GANAB: variants seen among roughly 807,000 people sequenced by gnomAD.
GANAB encodes neutral alpha-glucosidase AB.
In GANAB, 35 loss-of-function variants were observed where a neutral mutation model predicts 129.9. The ratio of observed to expected loss-of-function variants is 0.27; its 90% CI spans 0.21 to 0.36. GANAB has a LOEUF of 0.36. Among genes scored for constraint, GANAB ranks in the 10% least tolerant of loss-of-function variants. The probability of loss-of-function intolerance (pLI) is 1.00; values close to 1 mark genes in which losing one functional copy is unlikely to be tolerated. For synonymous variants in GANAB, 482 were observed against 451.8 expected (o/e 1.07, Z -0.85); for missense variants, 939 against 1,221.0 (o/e 0.77, Z 3.44).
Position 62,639,113 on chromosome 11 carries a change from G to A in GANAB, c.253-3C>T. 1 of 1,613,798 alleles carries A rather than the reference G, an allele frequency of 6.2e-7. No homozygotes were observed. Among genetic ancestry groups the A allele is most frequent in the Non-Finnish European group, 8.5e-7 (1 of 1,179,844 alleles). On this transcript the variant is annotated splice_polypyrimidine_tract_variant and splice_region_variant and intron_variant, in intron 3 of 23. Coordinates refer to ENST00000356638, the MANE Select transcript of GANAB (RefSeq NM_198334.3). ...TGAAGCTCTAGCACCAGCAACACCT[G>A]CGGGGACAGAGGTTTGGATCTGGAG...
intron 4 of GANAB, among the ~76,000 whole-genome samples, chr11:62,638,580 G>GAGGA (rs71056537): frequency 1.5e-4 from 21 of 144,170 alleles, no homozygotes; most frequent in African/African-American, 3.7e-4. Context: ...AAAAGGAAAG[G>GAGGA]AGGAAGGAAG....
At chr11:62,646,074 A>G (rs1944464154) in intron 1 of GANAB, among the ~76,000 whole-genome samples, 1 of 152,196 alleles carries the variant, frequency 6.6e-6, no homozygotes, top group South Asian at 2.1e-4. Context: ...ACGTGAAGAC[A>G]AGGGCAGAGG....
At chr11:62,636,134 G>A (rs1301075624) in intron 4 of GANAB, among the ~76,000 whole-genome samples, 5 of 152,042 alleles carry the variant, frequency 3.3e-5, no homozygotes, top group Middle Eastern at 3.4e-3. Context: ...GGAATTACAG[G>A]CGCCCACCAC....
intron 1 of GANAB, among the ~76,000 whole-genome samples, chr11:62,643,186 A>C (rs1374147277): frequency 1.3e-5 from 2 of 152,230 alleles, no homozygotes; most frequent in Non-Finnish European, 2.9e-5. Flanking sequence ...AATAAATCCT[A>C]AACAGAGATT....
chr11:62,634,522 A>T (rs1271557366), intron 5 of GANAB: 2 of 650,118 alleles, frequency 3.1e-6, no homozygotes, highest in East Asian at 5.4e-5. Flanking sequence ...AAAAACGAAG[A>T]AAATAAATCT....
Position 62,630,510 on chromosome 11 carries a change from G to T in GANAB, c.1387-5C>A. ...GGGGTCTACGATGGCCACCAGCTGG[G>T]GGCAAGGAACAGGGGTGTTCAGGTC... On this transcript the variant is annotated splice_region_variant and splice_polypyrimidine_tract_variant and intron_variant, in intron 11 of 23. Transcript: ENST00000356638. 1 of 1,614,148 alleles carries T rather than the reference G, an allele frequency of 6.2e-7. No homozygotes were observed. The highest frequency in any genetic ancestry group is 8.5e-7 in the Non-Finnish European group (1 of 1,180,036).
chr11:62,627,319 T>C lies in GANAB; in HGVS notation c.2215A>G (p.Thr739Ala), dbSNP rs1943441527. 6.3e-7 allele frequency: 1 copy of C among 1,582,198 alleles called. No individual in the cohort carries two copies. Among genetic ancestry groups the C allele is most frequent in the Non-Finnish European group, 8.7e-7 (1 of 1,150,826 alleles). The change falls in exon 18 of 24, where the codon ACC becomes GCC. Residue 739 changes from threonine to alanine, a missense_variant. By Grantham distance (58) the Thr-to-Ala change is moderately conservative (BLOSUM62 0). Coordinates refer to ENST00000356638, the MANE Select transcript of GANAB (RefSeq NM_198334.3). ...AAGTACTGATCATCTATATTGAAGGTAGTCACATCCTGAGGGTACTGCACC... is the reference window on the plus strand; with the variant it reads ...AAGTACTGATCATCTATATTGAAGGCAGTCACATCCTGAGGGTACTGCACC... ...LWVQYPQDVT[T>A]FNIDDQYLLG...
At position 62,634,838 on chromosome 11, in the gene GANAB, C is replaced by A; in HGVS notation, c.543G>T (p.Gln181His). ...GTACTCACGAGACCCTAGGGGCCCTCTGATGCTCAAACTCCAAGAGTCCTC... is the reference window on the plus strand; with the variant it reads ...GTACTCACGAGACCCTAGGGGCCCTATGATGCTCAAACTCCAAGAGTCCTC... ...NARGLLEFEH[Q>H]RAPRVSQGSK... The change falls in exon 5 of 24, where the codon CAG (glutamine) becomes CAT (histidine). Residue 181 changes from glutamine to histidine, a missense_variant. Around this residue, in one of 5 missense-constraint regions of GANAB, gnomAD observed 321 missense variants for 329.1 expected, o/e 0.98. Coordinates refer to ENST00000356638, the MANE Select transcript of GANAB (RefSeq NM_198334.3). 1 of 1,614,034 alleles carries A rather than the reference C, an allele frequency of 6.2e-7. No individual in the cohort carries two copies. Among genetic ancestry groups the A allele is most frequent in the South Asian group, 1.1e-5 (1 of 91,074 alleles).
chr11:62,637,407 A>G (rs1246645482), intron 4 of GANAB, among the ~76,000 whole-genome samples: 6 of 151,590 alleles, frequency 4.0e-5, no homozygotes, highest in Non-Finnish European at 2.9e-5. Context: ...CCCAGCTTCA[A>G]TGAGGGCTTC....
At chr11:62,641,211 T>C (rs1202461324) in intron 1 of GANAB, among the ~76,000 whole-genome samples, 1 of 150,784 alleles carries the variant, frequency 6.6e-6, no homozygotes, top group Non-Finnish European at 1.5e-5. Flanking sequence ...GGGCATGGCG[T>C]TGAGCATCTG....
At chr11:62,634,320 G>C in intron 5 of GANAB, 1 of 1,606,066 alleles carries the variant, frequency 6.2e-7, no homozygotes, top group South Asian at 1.1e-5. Context: ...CTAGAGAAAA[G>C]GTTCTTGATC....
At chr11:62,639,833 G>A (rs1944144760) in intron 1 of GANAB, 102 bp from the exon 2 acceptor site, 1 of 724,466 alleles carries the variant, frequency 1.4e-6, no homozygotes, top group Middle Eastern at 2.4e-4. Context: ...GAAGATAGTT[G>A]AGGAAAGAGG....
In GANAB at chr11:62,629,971, C is replaced by A. The variant is rs377097380; in HGVS notation, c.1594-14G>T. ...GGGAGCTGAGCCCTGGGAACGTGGG[C>A]AGAAAATGGGGACAGAAGGACAGAG... On this transcript the variant is annotated splice_polypyrimidine_tract_variant and intron_variant, in intron 13 of 23. Coordinates refer to ENST00000356638, the MANE Select transcript of GANAB (RefSeq NM_198334.3). 1.6e-5 allele frequency: 26 copies of A among 1,613,058 alleles called. No homozygotes were observed. The highest frequency in any genetic ancestry group is 2.2e-5 in the Non-Finnish European group (26 of 1,179,306).
At chr11:62,631,415 ACT>A (rs1590803441) in intron 9 of GANAB, among the ~76,000 whole-genome samples, 1 of 145,460 alleles carries the variant, frequency 6.9e-6, no homozygotes, top group African/African-American at 2.5e-5. Flanking sequence ...GCTAACAAAG[ACT>A]CTCTTTCATG....
chr11:62,632,828 G>C, intron 8 of GANAB, 83 bp from the exon 9 acceptor site: 1 of 1,176,646 alleles, frequency 8.5e-7, no homozygotes, highest in Non-Finnish European at 1.3e-6. Flanking sequence ...ACACAGGTGA[G>C]AGATAAGCAA....
At chr11:62,634,320 G>A (rs780556916) in intron 5 of GANAB, 1 of 1,606,066 alleles carries the variant, frequency 6.2e-7, no homozygotes, top group Admixed American at 1.7e-5. Flanking sequence ...CTAGAGAAAA[G>A]GTTCTTGATC....
chr11:62,632,438 G>T, intron 9 of GANAB, 127 bp downstream of exon 9: 1 of 708,454 alleles, frequency 1.4e-6, no homozygotes, highest in Non-Finnish European at 2.4e-6. Flanking sequence ...GAACTCAAAT[G>T]CTGCCCACCA....
intron 1 of GANAB, among the ~76,000 whole-genome samples, chr11:62,644,833 CA>C (rs1387793148): frequency 3.3e-5 from 5 of 149,304 alleles, no homozygotes; most frequent in Non-Finnish European, 7.4e-5. Flanking sequence ...AATAAGTAAA[CA>C]AACAAATAAA....
rs796143596 is a variant in GANAB, at chr11:62,626,146, G to T, written c.2644C>A (p.His882Asn). The stretch of plus-strand genomic sequence containing the variant: ...TCAATCCAGATTGGTGTCTCAAAGT[G>T]TCCTTCAGGGTCTGCTGAGCTGGAG... ...LVSSSADPEG[H>N]FETPIWIERV... The change falls in exon 23 of 24, where the codon CAC becomes AAC. Residue 882 changes from histidine (H) to asparagine (N), a missense_variant. Physicochemically the swap from His to Asn is moderately conservative, Grantham distance 68 (BLOSUM62 1). This residue lies in a region of GANAB where 230 missense variants were observed against 259.9 expected (regional missense o/e 0.89). Transcript: ENST00000356638. 4 of 1,612,466 alleles carry T rather than the reference G, an allele frequency of 2.5e-6. No homozygotes were observed. The highest frequency in any genetic ancestry group is 4.5e-5 in the East Asian group (2 of 44,878).
Sources: allele counts gnomAD v4.1 joint callset (sites outside exome capture counted in the v4.1 genomes callset), GRCh38; gene constraint gnomAD v4.1.1; regional missense constraint gnomAD v4.1.1; transcripts MANE v1.5; gene names NCBI Gene and HGNC (gene_info 2026-07-23, HGNC 2026-07-21).